PLXNA2: variants seen among roughly 807,000 people sequenced by gnomAD.
PLXNA2 encodes plexin A2.
In PLXNA2, 91 loss-of-function variants were observed where a neutral mutation model predicts 193.5. The observed-to-expected ratio is 0.47, with a 90% CI of 0.40 to 0.56. PLXNA2 has a LOEUF of 0.56. PLXNA2 is among the 20% of genes least tolerant of loss of function. PLXNA2 has a pLI of 0.00. For missense variants in PLXNA2, 1,995 were observed against 2,503.2 expected, an observed-to-expected ratio of 0.80 and a Z score of 4.33; for synonymous variants, 997 against 1,027.3, an observed-to-expected ratio of 0.97 and a Z score of 0.56.
At chr1:208,092,708 T>C (rs1335254129) in intron 9 of PLXNA2, 78 bp downstream of exon 9, 17 of 996,692 alleles carry the variant, frequency 1.7e-5, no homozygotes, top group Admixed American at 8.3e-5. Context: ...GGCCAAGCCA[T>C]TGGACTGACC....
At position 208,082,523 on chromosome 1, in the gene PLXNA2, G is replaced by A. The variant is rs768295227; in HGVS notation, c.2299-15C>T. 5.0e-6 allele frequency: 8 copies of A among 1,600,046 alleles called. No individual in the cohort carries two copies. The highest frequency in any genetic ancestry group is 3.3e-5 in the Admixed American group (2 of 59,938). ...TCATACTGGTACTATAGGGAGACGG[G>A]CAGAGGCATGGGGCTCATGTGGCTC... On this transcript the variant is annotated splice_polypyrimidine_tract_variant and intron_variant, in intron 10 of 31. Coordinates refer to ENST00000367033, the MANE Select transcript of PLXNA2 (RefSeq NM_025179.4). The surrounding 1 kb of genome is among the most constrained non-coding windows in gnomAD (Gnocchi z 4.2).
chr1:208,147,503 G>A (rs549777585), intron 3 of PLXNA2, among the ~76,000 whole-genome samples: 42 of 152,310 alleles, frequency 2.8e-4, no homozygotes, highest in African/African-American at 8.4e-4. Context: ...CTTGGATTCT[G>A]AAAGGTTCTG....
intron 4 of PLXNA2, among the ~76,000 whole-genome samples, chr1:208,132,899 A>G (rs992003953): frequency 1.3e-5 from 2 of 152,216 alleles, no homozygotes; most frequent in African/African-American, 4.8e-5. Flanking sequence ...AAGGTGAAGC[A>G]ACTTGCCCAA....
rs1664415703 is a variant in PLXNA2, at chr1:208,028,778, G to C, written c.5438+52C>G. On this transcript the variant is annotated intron_variant, in intron 30 of 31. Transcript: ENST00000367033. The surrounding 1 kb of genome is among the most constrained non-coding windows in gnomAD (Gnocchi z 4.2). ...CTTAGTCAGTGATGACTATAGAGCG[G>C]GGAATGGGCAGGGAGACAAGGGCAT... 6.6e-7 allele frequency: 1 copy of C among 1,523,582 alleles called. No homozygotes were observed. Among genetic ancestry groups the C allele is most frequent in the African/African-American group, 1.4e-5 (1 of 72,850 alleles). The allele number at this position is 1,523,582 out of a possible 1,614,324, so 94.4% of individuals were successfully genotyped here. A position where few individuals can be genotyped will look rare whatever the true frequency, so the allele number is the denominator to read the frequency against.
chr1:208,163,218 G>A (rs149541079), intron 3 of PLXNA2, among the ~76,000 whole-genome samples: 56 of 152,174 alleles, frequency 3.7e-4, no homozygotes, highest in African/African-American at 1.3e-3. Context: ...AACTGTTTCT[G>A]GTGGAGGGAT....
chr1:208,082,349 C>G lies in PLXNA2; in HGVS notation c.2395+63G>C. On this transcript the variant is annotated intron_variant, in intron 11 of 31. Transcript: ENST00000367033. This position sits in a 1 kb window ranked among gnomAD's most constrained non-coding sequence, Gnocchi z 4.2. ...CAGCGGCTGGCTGGCTCTGATCCCTCTAGCCCCAGTCTTTCCCGGGGTCGT... is the reference window on the plus strand; with the variant it reads ...CAGCGGCTGGCTGGCTCTGATCCCTGTAGCCCCAGTCTTTCCCGGGGTCGT... 1 of 1,332,324 alleles carries G rather than the reference C, an allele frequency of 7.5e-7. No homozygotes were observed. The highest frequency in any genetic ancestry group is 1.2e-5 in the South Asian group (1 of 81,996). 82.5% of individuals were successfully genotyped at this position (1,332,324 alleles called of 1,614,324 possible).
At chr1:208,147,473 C>T (rs1668636168) in intron 3 of PLXNA2, among the ~76,000 whole-genome samples, 1 of 152,088 alleles carries the variant, frequency 6.6e-6, no homozygotes, top group Admixed American at 6.5e-5. Context: ...TGTGGCCCTG[C>T]CTGAAGGCAG....
At position 208,217,336 on chromosome 1, in the gene PLXNA2, G is replaced by A. The variant is rs1233326598; in HGVS notation, c.587C>T (p.Pro196Leu). ...GGGCAGCTTCCGGCTGGACAGGGTCGGGAAGTAATCCTGCTTCCCATCCAC... is the reference window on the plus strand; with the variant it reads ...GGGCAGCTTCCGGCTGGACAGGGTCAGGAAGTAATCCTGCTTCCCATCCAC... ...TAVDGKQDYFPTLSSRKLPRD... is the reference protein window; with the variant it reads ...TAVDGKQDYFLTLSSRKLPRD... The change falls in exon 2 of 32, where the codon CCG becomes CTG. Residue 196 changes from proline (P) to leucine (L), a missense_variant. Pro to Leu is a moderately conservative substitution (Grantham distance 98, BLOSUM62 -3). Around this residue, in one of 3 missense-constraint regions of PLXNA2, gnomAD observed 702 missense variants for 812.9 expected, o/e 0.86. Transcript: ENST00000367033. The surrounding 1 kb of genome is among the most constrained non-coding windows in gnomAD (Gnocchi z 4.7). The A allele has an allele frequency of 6.8e-6, 11 of 1,614,012 alleles. No homozygotes were observed. The highest frequency in any genetic ancestry group is 9.3e-6 in the Non-Finnish European group (11 of 1,180,020).
chr1:208,235,821 G>A (rs1254036559), intron 1 of PLXNA2, among the ~76,000 whole-genome samples: 1 of 152,174 alleles, frequency 6.6e-6, no homozygotes, highest in Non-Finnish European at 1.5e-5. Flanking sequence ...AAGTCTGTGG[G>A]CCAAGAAAGC....
chr1:208,235,545 A>C (rs11119017), intron 1 of PLXNA2, among the ~76,000 whole-genome samples: 1 of 152,184 alleles, frequency 6.6e-6, no homozygotes, highest in Admixed American at 6.5e-5. Flanking sequence ...GGCAGGAGCC[A>C]ATTCTGCCAG....
At chr1:208,031,305 G>A (rs1224534817) in intron 29 of PLXNA2, 26 of 1,258,026 alleles carry the variant, frequency 2.1e-5, no homozygotes, top group Non-Finnish European at 2.6e-5. Context: ...TCAGAGCCAG[G>A]GGAGGAGGCT....
rs1300955518 is a variant in PLXNA2, at chr1:208,082,263, A to C, written c.2395+149T>G. On this transcript the variant is annotated intron_variant, in intron 11 of 31. Transcript: ENST00000367033. This position sits in a 1 kb window ranked among gnomAD's most constrained non-coding sequence, Gnocchi z 4.2. ...CAACAGGACTCCTTTGATGACTCCA[A>C]ATGTTGCTTTAGGATCCTCTGAAGA... 6.0e-6 allele frequency: 4 copies of C among 666,172 alleles called. No individual in the cohort carries two copies. Among genetic ancestry groups the C allele is most frequent in the Non-Finnish European group, 1.1e-5 (4 of 371,976 alleles). 41.3% of individuals were successfully genotyped at this position (666,172 alleles called of 1,614,324 possible). A position where few individuals can be genotyped will look rare whatever the true frequency, so the allele number is the denominator to read the frequency against.
At chr1:208,203,878 G>A (rs575482737) in intron 3 of PLXNA2, among the ~76,000 whole-genome samples, 2 of 152,346 alleles carry the variant, frequency 1.3e-5, no homozygotes, top group South Asian at 4.1e-4. Flanking sequence ...TCAAATAACT[G>A]AGTAATAACC....
At chr1:208,097,128 A>G (rs1666925916) in intron 6 of PLXNA2, among the ~76,000 whole-genome samples, 1 of 152,140 alleles carries the variant, frequency 6.6e-6, no homozygotes, top group African/African-American at 2.4e-5. Flanking sequence ...CTTCTCCAGC[A>G]TTAGAAAGCC....
In PLXNA2 at chr1:208,045,807, AG is replaced by A; in HGVS notation, c.3495+70del. 8.3e-6 allele frequency: 13 copies of A among 1,567,886 alleles called. 1 individual carries two copies. The highest frequency in any genetic ancestry group is 1.1e-5 in the Non-Finnish European group (13 of 1,150,906). ...AGGAGAGCCAGAAAGAAAGAAAGTCAGGCCAGGAGCGAGGGGCGCCCTCTGG... is the reference window on the plus strand; with the variant it reads ...AGGAGAGCCAGAAAGAAAGAAAGTCAGCCAGGAGCGAGGGGCGCCCTCTGG... On this transcript the variant is annotated intron_variant, in intron 18 of 31. Transcript: ENST00000367033.
Position 208,043,047 on chromosome 1 carries a change from G to T in PLXNA2, c.4017+14C>A. On this transcript the variant is annotated intron_variant, in intron 21 of 31. Coordinates refer to ENST00000367033, the MANE Select transcript of PLXNA2 (RefSeq NM_025179.4). Reference sequence around the variant, plus strand: ...ATCCCTGCTGGGTGGCTGGGCCCAGGAGGCAGGCATTACCTCCAGCTCCCG... The same window carrying T: ...ATCCCTGCTGGGTGGCTGGGCCCAGTAGGCAGGCATTACCTCCAGCTCCCG... 1 of 1,612,604 alleles carries T rather than the reference G, an allele frequency of 6.2e-7. No homozygotes were observed. The highest frequency in any genetic ancestry group is 8.5e-7 in the Non-Finnish European group (1 of 1,179,782).
At chr1:208,095,542 G>A (rs1368886658) in intron 8 of PLXNA2, among the ~76,000 whole-genome samples, 1 of 152,098 alleles carries the variant, frequency 6.6e-6, no homozygotes, top group Non-Finnish European at 1.5e-5. Context: ...CCCCATCCAG[G>A]TCTTTTTATC....
At chr1:208,096,168 G>T (rs370924925) in intron 7 of PLXNA2, 43 bp from the exon 8 acceptor site, 3 of 1,455,680 alleles carry the variant, frequency 2.1e-6, no homozygotes, top group African/African-American at 1.4e-5. Context: ...GTAACAACGT[G>T]GGGGACCCAG....
chr1:208,037,853 AC>A (rs1664721177), intron 26 of PLXNA2, among the ~76,000 whole-genome samples: 1 of 152,106 alleles, frequency 6.6e-6, no homozygotes, highest in Admixed American at 6.5e-5. Context: ...CCCATTTTAC[AC>A]ATGAGAGACA....
Sources: gnomAD v4.1 joint callset for allele counts (sites outside exome capture counted in the v4.1 genomes callset) on GRCh38, gnomAD v4.1.1 for gene constraint, gnomAD v4.1.1 regional missense constraint, Gnocchi (gnomAD v3.1) non-coding constraint, MANE v1.5 for transcripts, NCBI Gene and HGNC (gene_info 2026-07-23, HGNC 2026-07-21) for gene names.